Variants in TRDN observed in about 807,000 individuals in gnomAD.
The protein encoded by TRDN is triadin in skeletal muscle.
Under a neutral mutation model 149.7 loss-of-function variants are expected in TRDN, and 161 were observed. The observed-to-expected ratio is 1.08, with a 90% CI of 0.95 to 1.23. The LOEUF (loss-of-function observed/expected upper bound fraction) is 1.23, where lower values mean the gene tolerates loss of function less well. TRDN is among the 50% of genes most tolerant of loss of function. The pLI is 0.00. For synonymous variants in TRDN, 294 were observed against 250.5 expected (o/e 1.17, Z -1.64); for missense variants, 896 against 823.5 (o/e 1.09, Z -1.08).
chr6:123,241,583 A>G (rs1317390222), intron 38 of TRDN, among the ~76,000 whole-genome samples: 1 of 151,894 alleles, frequency 6.6e-6, no homozygotes, highest in Non-Finnish European at 1.5e-5. Context: ...CAGAATATTA[A>G]AAGTTAGAAA....
At chr6:123,564,299 G>T (rs1332464114) in intron 2 of TRDN, among the ~76,000 whole-genome samples, 3 of 152,116 alleles carry the variant, frequency 2.0e-5, no homozygotes, top group African/African-American at 7.2e-5. Flanking sequence ...CACACAAAAT[G>T]TGCTCCTTGA....
intron 19 of TRDN, among the ~76,000 whole-genome samples, chr6:123,372,291 A>G (rs1781354138): frequency 6.6e-6 from 1 of 152,140 alleles, no homozygotes; most frequent in African/African-American, 2.4e-5. Context: ...TGTCTCCTAA[A>G]TGATCTTGAC....
chr6:123,292,680 G>A (rs549849661), intron 24 of TRDN, among the ~76,000 whole-genome samples: 2 of 152,264 alleles, frequency 1.3e-5, no homozygotes, highest in South Asian at 4.1e-4. Flanking sequence ...CCCCTCTGCT[G>A]TTAAACTTCA....
At chr6:123,265,234 T>G in intron 33 of TRDN, 84 bp downstream of exon 33, 1 of 1,056,516 alleles carries the variant, frequency 9.5e-7, no homozygotes, top group Non-Finnish European at 1.3e-6. Flanking sequence ...ACCATACTAT[T>G]TAACTTCAGT....
intron 12 of TRDN, among the ~76,000 whole-genome samples, chr6:123,436,618 A>G (rs1040071468): frequency 6.6e-6 from 1 of 151,952 alleles, no homozygotes; most frequent in Non-Finnish European, 1.5e-5. Flanking sequence ...CATTTTTTCC[A>G]CATACATTAT....
intron 22 of TRDN, among the ~76,000 whole-genome samples, chr6:123,334,582 G>C (rs1414085359): frequency 6.6e-6 from 1 of 152,036 alleles, no homozygotes; most frequent in Non-Finnish European, 1.5e-5. Flanking sequence ...GGATGGTCAA[G>C]ACCTCAAAAG....
intron 32 of TRDN, among the ~76,000 whole-genome samples, chr6:123,266,106 CAT>C (rs937335106): frequency 9.2e-5 from 11 of 119,974 alleles, no homozygotes; most frequent in Middle Eastern, 5.6e-3. Flanking sequence ...TATTATATAT[CAT>C]ATGTATTATA....
rs531766285 is a variant in TRDN at position 123,446,498 on chromosome 6, C to T, written c.932-7495G>A. 8.9e-5 allele frequency among the ~76,000 whole-genome samples: 13 copies of T among 145,718 alleles called. No individual in the cohort carries two copies. The East Asian group carries it at 1.3e-3, about 15-fold the overall frequency. On this transcript the variant is annotated intron_variant, in intron 10 of 40. Transcript: ENST00000334268. ...TGCTCCGGAGGCTGAAGCAGAAGAA[C>T]GGCGTGAACCCAGGAGGTGGAGCTT... is the stretch of plus-strand genomic sequence containing the variant.
At chr6:123,284,684 G>A (rs1040365318) in intron 24 of TRDN, among the ~76,000 whole-genome samples, 5 of 152,026 alleles carry the variant, frequency 3.3e-5, no homozygotes, top group Admixed American at 2.0e-4. Flanking sequence ...ACAAGAGAGA[G>A]AAATAAAGGG....
At chr6:123,258,603 T>G (rs895540588) in intron 35 of TRDN, among the ~76,000 whole-genome samples, 8 of 152,058 alleles carry the variant, frequency 5.3e-5, no homozygotes, top group Non-Finnish European at 1.0e-4. Context: ...TTTCTTTTTT[T>G]TGTTATGTCT....
intron 1 of TRDN, among the ~76,000 whole-genome samples, chr6:123,577,527 T>G (rs1782917441): frequency 6.6e-6 from 1 of 152,206 alleles, no homozygotes; most frequent in African/African-American, 2.4e-5. Context: ...TGTACCACAT[T>G]TTCTTTATTT....
chr6:123,408,382 C>A lies in TRDN; in HGVS notation c.1052-14705G>T, dbSNP rs149352725. On this transcript the variant is annotated intron_variant, in intron 12 of 40. Coordinates refer to ENST00000334268, the MANE Select transcript of TRDN (RefSeq NM_006073.4). Reference sequence around the variant, plus strand: ...CCTATGTCTTAGAGAAGTAACTTGACAATAATTGTTTTGGGCCAGGCACGG... The same window carrying A: ...CCTATGTCTTAGAGAAGTAACTTGAAAATAATTGTTTTGGGCCAGGCACGG... 3.9e-3 allele frequency among the ~76,000 whole-genome samples: 588 copies of A among 152,016 alleles called. 4 individuals are homozygous for A. Among genetic ancestry groups the A allele is most frequent in the African/African-American group, 0.013 (557 of 41,492 alleles).
At chr6:123,317,634 C>T (rs1027021896) in intron 23 of TRDN, among the ~76,000 whole-genome samples, 2 of 151,858 alleles carry the variant, frequency 1.3e-5, no homozygotes, top group Admixed American at 6.6e-5. Flanking sequence ...TAGATACACC[C>T]TATTTTAATG....
intron 14 of TRDN, among the ~76,000 whole-genome samples, chr6:123,386,824 C>T (rs527809364): frequency 2.6e-4 from 39 of 152,224 alleles, no homozygotes; most frequent in Non-Finnish European, 4.6e-4. Flanking sequence ...GTGTGTGGGG[C>T]AACAACCTTG....
At chr6:123,222,865 C>A (rs1000524369) in intron 39 of TRDN, among the ~76,000 whole-genome samples, 10 of 151,718 alleles carry the variant, frequency 6.6e-5, no homozygotes, top group African/African-American at 2.4e-4. Context: ...CAAATGAAGA[C>A]ATACATTCAA....
intron 9 of TRDN, among the ~76,000 whole-genome samples, chr6:123,477,857 G>A (rs1357362135): frequency 6.8e-6 from 1 of 146,082 alleles, no homozygotes; most frequent in African/African-American, 2.5e-5. Context: ...GGAATTGAAC[G>A]ATGAGATCAC....
chr6:123,344,564 A>G (rs1309390297), intron 21 of TRDN, among the ~76,000 whole-genome samples: 1 of 151,994 alleles, frequency 6.6e-6, no homozygotes, highest in Non-Finnish European at 1.5e-5. Flanking sequence ...TTCACTTAGA[A>G]ATATAATTTA....
intron 11 of TRDN, 133 bp from the exon 12 acceptor site, chr6:123,438,255 A>G: frequency 1.5e-6 from 1 of 656,596 alleles, no homozygotes; most frequent in Non-Finnish European, 2.6e-6. Flanking sequence ...AAGTCATGTC[A>G]AATATGAATA....
intron 15 of TRDN, 45 bp downstream of exon 15, chr6:123,382,073 T>C (rs1284836134): frequency 4.9e-6 from 7 of 1,424,924 alleles, no homozygotes; most frequent in Non-Finnish European, 6.5e-6. Context: ...TGCTGTTTCA[T>C]GGTTCATCAA....
Sources: gnomAD v4.1 joint callset for allele counts (sites outside exome capture counted in the v4.1 genomes callset) on GRCh38, gnomAD v4.1.1 for gene constraint, MANE v1.5 for transcripts, NCBI Gene and HGNC (gene_info 2026-07-23, HGNC 2026-07-21) for gene names.